Variants in MAGI2 observed in about 807,000 individuals in gnomAD.
MAGI2 encodes membrane-associated guanylate kinase, WW and PDZ domain-containing protein 2.
A neutral mutation model predicts 133.3 loss-of-function variants in MAGI2; 35 were observed. That is an observed-to-expected ratio of 0.26 (90% CI 0.20 to 0.35). The LOEUF (loss-of-function observed/expected upper bound fraction) is 0.35, where lower values mean the gene tolerates loss of function less well. MAGI2 is among the 10% of genes least tolerant of loss of function. MAGI2 has a pLI of 1.00. For synonymous variants in MAGI2, 729 were observed against 710.6 expected (o/e 1.03, Z -0.41); for missense variants, 1,636 against 1,863.4 (o/e 0.88, Z 2.25).
chr7:78,138,649 A>G (rs940021882), intron 16 of MAGI2, among the ~76,000 whole-genome samples: 1 of 151,726 alleles, frequency 6.6e-6, no homozygotes, highest in African/African-American at 2.4e-5. Flanking sequence ...ACACACACAC[A>G]CACACACACA....
At chr7:79,272,971 C>A (rs974541418) in intron 1 of MAGI2, among the ~76,000 whole-genome samples, 1 of 152,110 alleles carries the variant, frequency 6.6e-6, no homozygotes, top group African/African-American at 2.4e-5. Context: ...TAGCTCTATT[C>A]CTACAGTAAT....
chr7:78,294,856 G>A (rs1177773462), intron 9 of MAGI2, among the ~76,000 whole-genome samples: 3 of 152,008 alleles, frequency 2.0e-5, no homozygotes, highest in African/African-American at 4.8e-5. Context: ...AAAAAATTTC[G>A]GTACAATAGT....
rs556771241 is a variant in MAGI2, at chr7:78,422,829, G to A, written c.1046-53616C>T. Among the ~76,000 whole-genome samples, 8 of 152,098 alleles carry A rather than the reference G, an allele frequency of 5.3e-5. No individual in the cohort carries two copies. The East Asian group carries it at 1.4e-3, about 26-fold the overall frequency. ...CTAGTCTTGCACAAAACAGACTCCC[G>A]CTTTTCTGATAGTATTGTTCCAGCT... On this transcript the variant is annotated intron_variant, in intron 6 of 21. Transcript: ENST00000354212.
At chr7:79,442,269 T>TA (rs1848541926) in intron 1 of MAGI2, among the ~76,000 whole-genome samples, 1 of 152,218 alleles carries the variant, frequency 6.6e-6, no homozygotes, top group African/African-American at 2.4e-5. Flanking sequence ...TAATAAGGGT[T>TA]AAAAATATCA....
At chr7:79,430,646 T>C (rs536710370) in intron 1 of MAGI2, among the ~76,000 whole-genome samples, 48 of 152,300 alleles carry the variant, frequency 3.2e-4, no homozygotes, top group African/African-American at 1.2e-3. Context: ...ACCGCAGATA[T>C]GTAACCAGCC....
At chr7:78,370,070 A>G (rs557853059) in intron 6 of MAGI2, among the ~76,000 whole-genome samples, 19 of 152,226 alleles carry the variant, frequency 1.2e-4, no homozygotes, top group African/African-American at 4.6e-4. Context: ...AATATATTTC[A>G]GTGAAGTTTA....
chr7:78,597,781 G>T (rs1474644977), intron 3 of MAGI2, among the ~76,000 whole-genome samples: 3 of 151,976 alleles, frequency 2.0e-5, no homozygotes, highest in Non-Finnish European at 4.4e-5. Context: ...TTTTGGTTTT[G>T]CTTAAATATA....
Position 78,623,660 on chromosome 7 carries a change from A to C in MAGI2, c.538+3460T>G, listed in dbSNP as rs1325637324. On this transcript the variant is annotated intron_variant, in intron 3 of 21. Coordinates refer to ENST00000354212, the MANE Select transcript of MAGI2 (RefSeq NM_012301.4). ...TAAACATCTCAGCCGCAATTTAGGC[A>C]AATGTCTCCACCTAGATTGCCTTAT... Among the ~76,000 whole-genome samples, 7 of 152,142 alleles carry C rather than the reference A, an allele frequency of 4.6e-5. No homozygotes were observed. The East Asian group carries it at 1.3e-3, about 29-fold the overall frequency.
At chr7:78,502,299 A>C (rs1038399313) in intron 4 of MAGI2, among the ~76,000 whole-genome samples, 7 of 152,214 alleles carry the variant, frequency 4.6e-5, no homozygotes, top group Non-Finnish European at 2.9e-5. Context: ...CTACTAAATC[A>C]TGGTCAAAGA....
intron 1 of MAGI2, among the ~76,000 whole-genome samples, chr7:79,167,101 T>C (rs928923145): frequency 2.6e-5 from 4 of 152,110 alleles, no homozygotes; most frequent in Non-Finnish European, 5.9e-5. Flanking sequence ...ACATTTTTGT[T>C]CCAATTTAAT....
chr7:78,566,365 G>C (rs1287109720), intron 3 of MAGI2, among the ~76,000 whole-genome samples: 3 of 152,000 alleles, frequency 2.0e-5, no homozygotes. Flanking sequence ...TGTGAGAAAG[G>C]CATGGAGGTG....
intron 2 of MAGI2, among the ~76,000 whole-genome samples, chr7:78,801,627 G>A (rs1180276190): frequency 3.3e-5 from 5 of 152,014 alleles, no homozygotes; most frequent in Non-Finnish European, 2.9e-5. Context: ...TTTTGGTAGT[G>A]CACAGGGATT....
In MAGI2 at chr7:78,573,304, A is replaced by T. The variant is rs1308289078; in HGVS notation, c.539-51659T>A. On this transcript the variant is annotated intron_variant, in intron 3 of 21. Coordinates refer to ENST00000354212, the MANE Select transcript of MAGI2 (RefSeq NM_012301.4). ...TATATTTATATAAATATATATATTT[A>T]TATATATAAATATATAAATATATAT... Among the ~76,000 whole-genome samples the T allele has an allele frequency of 8.1e-4, 45 of 55,480 alleles. 2 individuals are homozygous for T. Among genetic ancestry groups the T allele is most frequent in the East Asian group, 1.2e-3 (2 of 1,678 alleles). 36.4% of individuals were successfully genotyped at this position (55,480 alleles called of 152,430 possible).
intron 2 of MAGI2, among the ~76,000 whole-genome samples, chr7:78,861,922 A>G (rs2151502438): frequency 6.6e-6 from 1 of 152,310 alleles, no homozygotes; most frequent in African/African-American, 2.4e-5. Context: ...TTATTTAACA[A>G]TCAACAGAAG....
intron 1 of MAGI2, among the ~76,000 whole-genome samples, chr7:79,321,827 C>A (rs1046327268): frequency 6.6e-6 from 1 of 152,152 alleles, no homozygotes; most frequent in Non-Finnish European, 1.5e-5. Flanking sequence ...TAGGCAATGA[C>A]CTACATTTCT....
At chr7:78,484,075 C>G (rs1792712542) in intron 6 of MAGI2, 1 of 151,680 alleles carries the variant, frequency 6.6e-6, no homozygotes, top group South Asian at 2.1e-4. Flanking sequence ...TGAGAAAGGC[C>G]AAAGCTCCTA....
intron 1 of MAGI2, among the ~76,000 whole-genome samples, chr7:79,136,003 G>GAAGGAGAAAGAA (rs749343638): frequency 2.4e-5 from 1 of 40,890 alleles, no homozygotes; most frequent in African/African-American, 8.9e-5. Context: ...AAGAAAGAAA[G>GAAGGAGAAAGAA]AGAAAGAAAG....
At chr7:78,754,287 C>G (rs906156058) in intron 2 of MAGI2, among the ~76,000 whole-genome samples, 4 of 151,822 alleles carry the variant, frequency 2.6e-5, no homozygotes, top group African/African-American at 9.7e-5. Context: ...GGGAGGATCA[C>G]TTGCACCCAG....
At chr7:78,063,773 C>T (rs868464661) in intron 21 of MAGI2, among the ~76,000 whole-genome samples, 53 of 152,276 alleles carry the variant, frequency 3.5e-4, no homozygotes, top group African/African-American at 1.2e-3. Flanking sequence ...AGTTTACTGC[C>T]TGCTTTGGGT....
Sources: allele counts gnomAD v4.1 joint callset (sites outside exome capture counted in the v4.1 genomes callset), GRCh38; gene constraint gnomAD v4.1.1; transcripts MANE v1.5; gene names NCBI Gene and HGNC (gene_info 2026-07-23, HGNC 2026-07-21).